Variants in TMEM132B observed in about 807,000 individuals in gnomAD.
The protein encoded by TMEM132B is transmembrane protein 132B.
Under a neutral mutation model 90.8 loss-of-function variants are expected in TMEM132B, and 18 were observed. That is an observed-to-expected ratio of 0.20 (90% CI 0.14 to 0.29). TMEM132B has a LOEUF of 0.29. Ranked by LOEUF, TMEM132B falls within the 10% of genes least tolerant of loss-of-function variation. TMEM132B has a pLI of 1.00. For synonymous variants in TMEM132B, 504 were observed against 523.3 expected, an observed-to-expected ratio of 0.96 and a Z score of 0.50; for missense variants, 1,096 against 1,326.8, an observed-to-expected ratio of 0.83 and a Z score of 2.70.
intron 1 of TMEM132B, among the ~76,000 whole-genome samples, chr12:125,342,257 T>C (rs778793286): frequency 1.3e-4 from 20 of 152,166 alleles, no homozygotes; most frequent in Non-Finnish European, 2.6e-4. Context: ...AATTCTCCCA[T>C]CAACTTCTTT....
intron 3 of TMEM132B, among the ~76,000 whole-genome samples, chr12:125,424,796 A>G (rs1313371397): frequency 6.6e-6 from 1 of 152,148 alleles, no homozygotes; most frequent in African/African-American, 2.4e-5. Flanking sequence ...AGGGGGACTC[A>G]ATTGTGAACA....
chr12:125,331,167 C>T (rs1876758066), intron 1 of TMEM132B, among the ~76,000 whole-genome samples: 1 of 152,150 alleles, frequency 6.6e-6, no homozygotes, highest in Admixed American at 6.5e-5. Context: ...GGGACAGCGC[C>T]GGGGAGGGCC....
intron 3 of TMEM132B, among the ~76,000 whole-genome samples, chr12:125,475,703 T>C (rs1255645228): frequency 6.6e-6 from 1 of 152,204 alleles, no homozygotes; most frequent in South Asian, 2.1e-4. Flanking sequence ...CATGGCCTGT[T>C]GTGGGACCTT....
intron 3 of TMEM132B, among the ~76,000 whole-genome samples, chr12:125,517,445 GCCT>G (rs1883195460): frequency 1.4e-5 from 2 of 147,384 alleles, no homozygotes. Flanking sequence ...ACCCGCCTCG[GCCT>G]CCCAAAGTGC....
At chr12:125,494,406 T>A in intron 3 of TMEM132B, among the ~76,000 whole-genome samples, 1 of 97,192 alleles carries the variant, frequency 1.0e-5, no homozygotes, top group African/African-American at 4.1e-5. Context: ...AATGGATGCA[T>A]GCCTCCTCCC....
At chr12:125,466,178 T>C (rs998157569) in intron 3 of TMEM132B, among the ~76,000 whole-genome samples, 7 of 152,176 alleles carry the variant, frequency 4.6e-5, no homozygotes, top group African/African-American at 1.7e-4. Context: ...ATTAGATTTT[T>C]AGCAGCATCT....
chr12:125,609,487 T>A (rs929278701), intron 5 of TMEM132B, among the ~76,000 whole-genome samples: 11 of 152,004 alleles, frequency 7.2e-5, no homozygotes, highest in Non-Finnish European at 1.5e-5. Flanking sequence ...TTGTAGGTAA[T>A]TTTTTTGGGG....
At chr12:125,557,126 T>C (rs1056871407) in intron 4 of TMEM132B, among the ~76,000 whole-genome samples, 3 of 152,174 alleles carry the variant, frequency 2.0e-5, no homozygotes, top group African/African-American at 7.2e-5. Context: ...TTAGACATAT[T>C]TATCTTTATA....
chr12:125,486,215 G>A (rs1044444777), intron 3 of TMEM132B, among the ~76,000 whole-genome samples: 1 of 152,228 alleles, frequency 6.6e-6, no homozygotes, highest in South Asian at 2.1e-4. Context: ...TGAGTGAAGA[G>A]GGCATGGGTA....
At chr12:125,252,333 C>T (rs1382014851) in intron 1 of TMEM132B, among the ~76,000 whole-genome samples, 2 of 152,154 alleles carry the variant, frequency 1.3e-5, no homozygotes, top group Admixed American at 6.5e-5. Context: ...TCCAGGCCTC[C>T]GGTTCCCACG....
intron 4 of TMEM132B, among the ~76,000 whole-genome samples, chr12:125,563,146 C>CATA (rs759147385): frequency 0.06 from 5,579 of 92,512 alleles, 160 homozygotes; most frequent in African/African-American, 0.1. Flanking sequence ...CACCATAATG[C>CATA]GTAATAATAA....
At chr12:125,535,521 G>T (rs368562008) in intron 4 of TMEM132B, among the ~76,000 whole-genome samples, 1 of 152,254 alleles carries the variant, frequency 6.6e-6, no homozygotes, top group Admixed American at 6.5e-5. Context: ...AAGCTTTTTT[G>T]CCAGGAACAC....
chr12:125,446,095 T>C (rs1350167833), intron 3 of TMEM132B, among the ~76,000 whole-genome samples: 2 of 152,256 alleles, frequency 1.3e-5, no homozygotes, highest in African/African-American at 4.8e-5. Context: ...AGCTCCACAG[T>C]ATTCTTCTGA....
rs190004953 is a variant in TMEM132B at position 125,652,665 on chromosome 12, A to G, written c.2106+33A>G. The G allele has an allele frequency of 1.3e-4, 203 of 1,581,674 alleles. 1 individual carries two copies. The African/African-American group carries it at 2.5e-3, about 19-fold the overall frequency. Reference sequence around the variant, plus strand: ...TTCCAGGGGCCCTGCGTCCTTGGTCAGTGGGGATGACTTCTCTCTCAGTTA... The same window carrying G: ...TTCCAGGGGCCCTGCGTCCTTGGTCGGTGGGGATGACTTCTCTCTCAGTTA... On this transcript the variant is annotated intron_variant, in intron 8 of 8. Transcript: ENST00000682704.
At chr12:125,188,989 A>G (rs998104921) in intron 1 of TMEM132B, among the ~76,000 whole-genome samples, 1 of 151,846 alleles carries the variant, frequency 6.6e-6, no homozygotes, top group African/African-American at 2.4e-5. Context: ...GATTTCTGCC[A>G]TGGTTTACCG....
rs370616703 is a variant in TMEM132B at position 125,615,309 on chromosome 12, G to GAT, written c.1438-28756_1438-28755dup. ...CTAGAATTCTCATCATTCCTTTATA[G>GAT]ATATATATATATGATATCTGTCTGT... On this transcript the variant is annotated intron_variant, in intron 5 of 8. Coordinates refer to ENST00000682704, the MANE Select transcript of TMEM132B (RefSeq NM_001366854.1). 8.3e-4 allele frequency among the ~76,000 whole-genome samples: 126 copies of GAT among 151,150 alleles called. 1 individual carries two copies. The highest frequency in any genetic ancestry group is 6.5e-3 in the South Asian group (31 of 4,770).
At chr12:125,197,181 T>C (rs1872943869) in intron 1 of TMEM132B, among the ~76,000 whole-genome samples, 1 of 152,138 alleles carries the variant, frequency 6.6e-6, no homozygotes, top group Non-Finnish European at 1.5e-5. Flanking sequence ...TAGGCCCCAG[T>C]GTGTGTTGTT....
chr12:125,533,666 G>GCCCTT (rs145990694), intron 4 of TMEM132B, among the ~76,000 whole-genome samples: 1 of 151,720 alleles, frequency 6.6e-6, no homozygotes, highest in Admixed American at 6.6e-5. Context: ...CAGGCCGCGC[G>GCCCTT]CCCTCCCCTC....
intron 2 of TMEM132B, among the ~76,000 whole-genome samples, chr12:125,403,853 C>T (rs1879387728): frequency 6.6e-6 from 1 of 152,134 alleles, no homozygotes; most frequent in Non-Finnish European, 1.5e-5. Context: ...CCAGCTAAGC[C>T]CATGAGCATT....
Sources: gnomAD v4.1 joint callset for allele counts (sites outside exome capture counted in the v4.1 genomes callset) on GRCh38, gnomAD v4.1.1 for gene constraint, MANE v1.5 for transcripts, NCBI Gene and HGNC (gene_info 2026-07-23, HGNC 2026-07-21) for gene names.